Variants in TRNT1 observed in about 807,000 individuals in gnomAD.
TRNT1 encodes tRNA nucleotidyl transferase 1, also known as CCA tRNA nucleotidyltransferase 1, mitochondrial.
A neutral mutation model predicts 45.6 loss-of-function variants in TRNT1; 44 were observed. The observed-to-expected ratio is 0.97, with a 90% CI of 0.76 to 1.24. The LOEUF is 1.24. Among genes scored for constraint, TRNT1 ranks in the 50% most tolerant of loss-of-function variants. The pLI is 0.00. For synonymous variants in TRNT1, 201 were observed against 171.4 expected (o/e 1.17, Z -1.35); for missense variants, 633 against 504.4 (o/e 1.25, Z -2.44).
chr3:3,151,684 T>A (rs1706562401), downstream of TRNT1, among the ~76,000 whole-genome samples: 1 of 152,172 alleles, frequency 6.6e-6, no homozygotes, highest in Non-Finnish European at 1.5e-5. Flanking sequence ...GGGTGCCAAG[T>A]AAGATAGGGC....
chr3:3,137,155 C>G (rs1453409396), intron 2 of TRNT1, 105 bp from the exon 3 acceptor site: 3 of 855,604 alleles, frequency 3.5e-6, no homozygotes, highest in Non-Finnish European at 5.1e-6. Context: ...TTAAATGAAT[C>G]TCTGCTGTTC....
downstream of TRNT1, chr3:3,153,134 T>C (rs112398417): frequency 1.1e-3 from 412 of 370,122 alleles, 3 homozygotes; most frequent in African/African-American, 7.7e-3. Context: ...TAGGGCCTAA[T>C]TGAAGACAGT....
downstream of TRNT1, chr3:3,152,585 A>G: frequency 6.2e-7 from 1 of 1,614,086 alleles, no homozygotes; most frequent in South Asian, 1.1e-5. Context: ...ACATAAGGAT[A>G]AACTAAAACA....
At chr3:3,153,374 A>G (rs1047175338), downstream of TRNT1, 30 of 1,038,436 alleles carry the variant, frequency 2.9e-5, no homozygotes, top group Non-Finnish European at 4.3e-5. Context: ...TACAGTCTTC[A>G]TTATAATTCT....
chr3:3,151,116 A>G (rs1221081101), downstream of TRNT1: 8 of 1,520,194 alleles, frequency 5.3e-6, no homozygotes, highest in African/African-American at 1.4e-5. Flanking sequence ...TAAACCTATC[A>G]TGAAGACAGA....
rs1240735675 is a variant in TRNT1, at chr3:3,147,987, C to T, written c.1138C>T (p.Gln380Ter). 1 of 1,614,000 alleles carries T rather than the reference C, an allele frequency of 6.2e-7. No homozygotes were observed. Among genetic ancestry groups the T allele is most frequent in the African/African-American group, 1.3e-5 (1 of 75,042 alleles). The change falls in exon 8 of 8, where the codon CAG becomes TAG. Residue 380 changes from glutamine to a stop codon, truncating the protein, a stop_gained. Coordinates refer to ENST00000251607, the MANE Select transcript of TRNT1 (RefSeq NM_182916.3). LOFTEE classifies it high-confidence loss of function. ...GEHCLLKEMQQWSIPPFPVSG... is the reference protein window; with the variant it reads ...GEHCLLKEMQ ...GCACTGTCTCCTAAAGGAAATGCAGCAGTGGTCCATTCCTCCATTTCCTGT... is the reference window on the plus strand; with the variant it reads ...GCACTGTCTCCTAAAGGAAATGCAGTAGTGGTCCATTCCTCCATTTCCTGT...
downstream of TRNT1, chr3:3,150,828 C>A (rs1559237934): frequency 6.4e-7 from 1 of 1,559,814 alleles, no homozygotes; most frequent in Admixed American, 1.8e-5. Context: ...TAGAATATAA[C>A]CAATTTGTTA....
chr3:3,148,382 C>T lies in TRNT1; in HGVS notation c.*228C>T. 2 of 436,634 alleles carry T rather than the reference C, an allele frequency of 4.6e-6. No individual in the cohort carries two copies. The highest frequency in any genetic ancestry group is 8.1e-6 in the Non-Finnish European group (2 of 248,298). The allele number at this position is 436,634 out of a possible 1,614,324, so 27.0% of individuals were successfully genotyped here. ...ATGTACAGTTCTTTTGGAATAGTTT[C>T]ACCTGAGAAAACATAGTTGGCTATT... is the stretch of plus-strand genomic sequence containing the variant. On this transcript the variant is annotated 3_prime_UTR_variant, in exon 8 of 8. Transcript: ENST00000251607.
At position 3,147,687 on chromosome 3, in the gene TRNT1, A is replaced by G; in HGVS notation, c.1040A>G (p.Gln347Arg). The G allele has an allele frequency of 1.2e-6, 2 of 1,612,364 alleles. No homozygotes were observed. The highest frequency in any genetic ancestry group is 2.2e-5 in the South Asian group (2 of 90,866). The change falls in exon 7 of 8, where the codon CAA (glutamine) becomes CGA (arginine). Residue 347 changes from glutamine (Q) to arginine (R), a missense_variant. Physicochemically the swap from Gln to Arg is conservative, Grantham distance 43. Transcript: ENST00000251607. ...TDSSDPLKPY[Q>R]DFIIDSREPD... Reference sequence around the variant, plus strand: ...AGTTCAGACCCATTGAAACCCTATCAAGACTTCATTATAGATGTAAGTATA... The same window carrying G: ...AGTTCAGACCCATTGAAACCCTATCGAGACTTCATTATAGATGTAAGTATA...
chr3:3,130,244 T>A (rs1293221191), intron 2 of TRNT1: 1 of 382,802 alleles, frequency 2.6e-6, no homozygotes, highest in African/African-American at 2.1e-5. Flanking sequence ...GCACACATGC[T>A]CGGGTTCTAC....
In TRNT1 at chr3:3,130,005, C is replaced by T; in HGVS notation, c.148+817C>T. The T allele has an allele frequency of 2.0e-6, 3 of 1,531,886 alleles. No homozygotes were observed. In the South Asian group the frequency reaches 3.6e-5, roughly 19 times the overall value. The allele number at this position is 1,531,886 out of a possible 1,614,324, so 94.9% of individuals were successfully genotyped here. A position where few individuals can be genotyped will look rare whatever the true frequency, so the allele number is the denominator to read the frequency against. On this transcript the variant is annotated intron_variant, in intron 2 of 7. Coordinates refer to ENST00000251607, the MANE Select transcript of TRNT1 (RefSeq NM_182916.3). ...CGTTGCAAAACCTGTCTGGAAGGAGCATAGGAAATGGCTTTAGCTAAGTGC... is the reference window on the plus strand; with the variant it reads ...CGTTGCAAAACCTGTCTGGAAGGAGTATAGGAAATGGCTTTAGCTAAGTGC...
chr3:3,133,523 A>C (rs926888707), intron 2 of TRNT1, among the ~76,000 whole-genome samples: 9 of 151,424 alleles, frequency 5.9e-5, no homozygotes, highest in Admixed American at 4.0e-4. Context: ...GTGCCACTGC[A>C]CTCCAGCCTG....
intron 2 of TRNT1, among the ~76,000 whole-genome samples, chr3:3,132,729 A>AG (rs1322000105): frequency 1.7e-5 from 2 of 117,950 alleles, no homozygotes; most frequent in African/African-American, 7.6e-5. Context: ...TACCTATTGA[A>AG]GGAAAAAAAA....
At chr3:3,131,021 C>T (rs1230834534) in intron 2 of TRNT1, among the ~76,000 whole-genome samples, 7 of 151,312 alleles carry the variant, frequency 4.6e-5, no homozygotes, top group South Asian at 4.2e-4. Context: ...GGGGGGCTTG[C>T]GGTAAGCCGA....
At chr3:3,127,528 A>C (rs1426122348) in intron 1 of TRNT1, 1 of 152,354 alleles carries the variant, frequency 6.6e-6, no homozygotes, top group African/African-American at 2.4e-5. Context: ...AGGATGTGAT[A>C]TGTAGAAGGG....
intron 4 of TRNT1, among the ~76,000 whole-genome samples, chr3:3,143,267 A>G (rs894877457): frequency 6.6e-6 from 1 of 152,144 alleles, no homozygotes; most frequent in Non-Finnish European, 1.5e-5. Flanking sequence ...ATGATTTTCA[A>G]CTTTAAAACT....
intron 3 of TRNT1, among the ~76,000 whole-genome samples, chr3:3,138,512 G>A (rs1427620422): frequency 6.6e-6 from 1 of 152,000 alleles, no homozygotes; most frequent in South Asian, 2.1e-4. Flanking sequence ...GCACTTAGTG[G>A]GCCCTCATGT....
At chr3:3,141,153 G>A (rs1240464153) in intron 4 of TRNT1, among the ~76,000 whole-genome samples, 2 of 152,182 alleles carry the variant, frequency 1.3e-5, no homozygotes, top group Admixed American at 6.5e-5. Context: ...AAACAAAAAC[G>A]TTAATTAATA....
chr3:3,150,936 A>G, downstream of TRNT1: 4 of 1,614,004 alleles, frequency 2.5e-6, no homozygotes, highest in Non-Finnish European at 2.5e-6. Flanking sequence ...AACAGAGCAG[A>G]TCGCGTTAAG....
Sources: allele counts gnomAD v4.1 joint callset (sites outside exome capture counted in the v4.1 genomes callset), GRCh38; gene constraint gnomAD v4.1.1; transcripts MANE v1.5; gene names NCBI Gene and HGNC (gene_info 2026-07-23, HGNC 2026-07-21).